KANK1: variants seen among roughly 807,000 people sequenced by gnomAD.
KANK1 encodes the protein KN motif and ankyrin repeat domain-containing protein 1.
KANK1 carries 109 observed loss-of-function variants against 106.2 expected under a neutral mutation model. That is an observed-to-expected ratio of 1.03 (90% CI 0.88 to 1.20). The LOEUF is 1.20. Ranked by LOEUF, KANK1 falls within the 50% of genes most tolerant of loss-of-function variation. The pLI, the probability that KANK1 is intolerant of heterozygous loss-of-function variation, is 0.00. For synonymous variants in KANK1, 873 were observed against 652.2 expected (o/e 1.34, Z -5.16); for missense variants, 2,399 against 1,710.7 (o/e 1.40, Z -7.10).
rs771904694 is a variant in KANK1, at chr9:712,537, A to G, written c.1771A>G (p.Lys591Glu). The change falls in exon 3 of 12, where the codon AAG becomes GAG. Residue 591 changes from lysine (K) to glutamate (E), a missense_variant. By Grantham distance (56) the Lys-to-Glu change is moderately conservative (BLOSUM62 1). Coordinates refer to ENST00000382297, the MANE Select transcript of KANK1 (RefSeq NM_015158.5). Reference sequence around the variant, plus strand: ...TGGGAGGTCTGTGGAAATGTGTGACAAGAGTGTGAGTGTGGAAGTCAGCGT... The same window carrying G: ...TGGGAGGTCTGTGGAAATGTGTGACGAGAGTGTGAGTGTGGAAGTCAGCGT... ...CAGRSVEMCD[K>E]SVSVEVSVCE... The G allele has an allele frequency of 1.9e-6, 3 of 1,614,082 alleles. No individual in the cohort carries two copies. The highest frequency in any genetic ancestry group is 4.5e-5 in the East Asian group (2 of 44,894).
intron 9 of KANK1, among the ~76,000 whole-genome samples, chr9:741,952 C>T (rs1157443621): frequency 1.3e-5 from 2 of 152,158 alleles, no homozygotes; most frequent in Admixed American, 1.3e-4. Flanking sequence ...CCTGAACTTC[C>T]AGCCCCTTAC....
intron 1 of KANK1, among the ~76,000 whole-genome samples, chr9:572,706 T>C (rs1819527320): frequency 6.6e-6 from 1 of 152,150 alleles, no homozygotes; most frequent in Non-Finnish European, 1.5e-5. Context: ...CTACTTTTGC[T>C]TTTTTGAAGG....
intron 3 of KANK1, among the ~76,000 whole-genome samples, chr9:495,950 T>C (rs139750711): frequency 6.6e-6 from 1 of 151,372 alleles, no homozygotes; most frequent in African/African-American, 2.5e-5. Flanking sequence ...TGTAAAGTTA[T>C]CATCACTAGC....
intron 1 of KANK1, among the ~76,000 whole-genome samples, chr9:627,950 CAAAA>C (rs57957168): frequency 1.4e-5 from 2 of 147,136 alleles, no homozygotes; most frequent in African/African-American, 5.0e-5. Context: ...AAAATTACAA[CAAAA>C]AAAAAAGAAA....
At chr9:547,415 G>T (rs1200988821) in intron 1 of KANK1, 1 of 151,872 alleles carries the variant, frequency 6.6e-6, no homozygotes, top group African/African-American at 2.4e-5. Context: ...TAAATCTAAA[G>T]CCTGTGCAAG....
intron 1 of KANK1, among the ~76,000 whole-genome samples, chr9:659,722 T>C (rs9408655): frequency 0.84 from 127,113 of 151,520 alleles, 53,458 homozygotes; most frequent in East Asian, 0.97. Flanking sequence ...GGTAATGCTA[T>C]GCACTTTCAA....
chr9:651,929 A>G (rs1035488205), intron 1 of KANK1, among the ~76,000 whole-genome samples: 2 of 152,236 alleles, frequency 1.3e-5, no homozygotes, highest in Admixed American at 1.3e-4. Context: ...AATTAATAGT[A>G]TACTGGGATT....
chr9:713,065 A>G lies in KANK1; in HGVS notation c.2299A>G (p.Asn767Asp). 6.2e-7 allele frequency: 1 copy of G among 1,614,110 alleles called. No homozygotes were observed. The highest frequency in any genetic ancestry group is 8.5e-7 in the Non-Finnish European group (1 of 1,179,990). The change falls in exon 3 of 12, where the codon AAC (asparagine) becomes GAC (aspartate). Residue 767 changes from asparagine to aspartate, a missense_variant. Coordinates refer to ENST00000382297, the MANE Select transcript of KANK1 (RefSeq NM_015158.5). ...KESGVGQINI[N>D]DNYLVGLKMR... is the part of the protein sequence containing the mutation. ...GTCAGGTGTGGGGCAGATAAATATT[A>G]ACGACAACTATCTGGTTGGTCTCAA...
intron 1 of KANK1, among the ~76,000 whole-genome samples, chr9:666,669 T>G (rs1267629469): frequency 6.6e-6 from 1 of 152,170 alleles, no homozygotes; most frequent in Non-Finnish European, 1.5e-5. Flanking sequence ...TGAATTTTAT[T>G]GAATACTTTT....
chr9:518,279 C>G (rs887270544), intron 1 of KANK1, among the ~76,000 whole-genome samples: 1 of 151,752 alleles, frequency 6.6e-6, no homozygotes. Context: ...TGTTGAGGCC[C>G]ATCTGATTTG....
At chr9:661,767 C>T (rs1033473174) in intron 1 of KANK1, among the ~76,000 whole-genome samples, 2 of 152,056 alleles carry the variant, frequency 1.3e-5, no homozygotes, top group Non-Finnish European at 2.9e-5. Flanking sequence ...CCTGTTTCTC[C>T]ACATCCTCTT....
intron 1 of KANK1, among the ~76,000 whole-genome samples, chr9:523,304 T>TCA (rs764731471): frequency 3.3e-5 from 5 of 151,588 alleles, no homozygotes; most frequent in Non-Finnish European, 7.4e-5. Context: ...CTCCCCTATC[T>TCA]CATACACCCT....
chr9:608,521 T>C (rs1829847357), intron 1 of KANK1, among the ~76,000 whole-genome samples: 1 of 151,832 alleles, frequency 6.6e-6, no homozygotes, highest in African/African-American at 2.4e-5. Flanking sequence ...GAGATGAAGA[T>C]GATTGACTTT....
chr9:741,261 GTC>G lies in KANK1; in HGVS notation c.3696+331_3696+332del, dbSNP rs200445707. Among the ~76,000 whole-genome samples, 1,405 of 151,976 alleles carry G rather than the reference GTC, an allele frequency of 9.2e-3. 9 individuals carry two copies. The highest frequency in any genetic ancestry group is 0.014 in the Non-Finnish European group (953 of 67,996). On this transcript the variant is annotated intron_variant, in intron 9 of 11. Coordinates refer to ENST00000382297, the MANE Select transcript of KANK1 (RefSeq NM_015158.5). ...AGATGCTCAGTGACTGTTGCTTCCT[GTC>G]TCTGTGTTGTACTGTCTTCATAGCA... is the stretch of plus-strand genomic sequence containing the variant.
chr9:741,708 T>C (rs1156962390), intron 9 of KANK1, among the ~76,000 whole-genome samples: 2 of 152,012 alleles, frequency 1.3e-5, no homozygotes, highest in Non-Finnish European at 1.5e-5. Flanking sequence ...AGGATGGTCT[T>C]GATCTCCTGA....
chr9:726,278 G>C (rs953944488), intron 3 of KANK1, among the ~76,000 whole-genome samples: 2 of 152,086 alleles, frequency 1.3e-5, no homozygotes, highest in African/African-American at 4.8e-5. Flanking sequence ...TGTGGGGCAG[G>C]CCGCTGATTT....
rs565710130 is a variant in KANK1 at position 510,584 on chromosome 9, C to T, written c.-84+5830C>T. On this transcript the variant is annotated intron_variant, in intron 1 of 11. Transcript: ENST00000382297. ...CAGACATCACTAAAGAGACACTGAG[C>T]CTTCTCAAGGAGAGAGATCAGCGGT... Among the ~76,000 whole-genome samples, 8 of 152,286 alleles carry T rather than the reference C, an allele frequency of 5.3e-5. No individual in the cohort carries two copies. In the South Asian group the frequency reaches 1.7e-3, roughly 32 times the overall value.
chr9:607,389 G>A (rs1829477324), intron 1 of KANK1, among the ~76,000 whole-genome samples: 1 of 149,686 alleles, frequency 6.7e-6, no homozygotes, highest in African/African-American at 2.5e-5. Flanking sequence ...GGACGGTGAG[G>A]CAGGAGAATC....
At chr9:477,967 T>G (rs12238464) in intron 3 of KANK1, 9,232 of 161,236 alleles carry the variant, frequency 0.057, 383 homozygotes, top group South Asian at 0.13. Flanking sequence ...TCTGGACCTG[T>G]CTCCAAAATA....
Sources: gnomAD v4.1 joint callset for allele counts (sites outside exome capture counted in the v4.1 genomes callset) on GRCh38, gnomAD v4.1.1 for gene constraint, MANE v1.5 for transcripts, NCBI Gene and HGNC (gene_info 2026-07-23, HGNC 2026-07-21) for gene names.